ESRP1: variants seen among roughly 807,000 people sequenced by gnomAD.
ESRP1 encodes epithelial splicing regulatory protein 1.
In ESRP1, 33 loss-of-function variants were observed where a neutral mutation model predicts 81.7. The observed-to-expected ratio is 0.40, with a 90% CI of 0.31 to 0.54. The LOEUF (loss-of-function observed/expected upper bound fraction) is 0.54, where lower values mean the gene tolerates loss of function less well. ESRP1 is among the 20% of genes least tolerant of loss of function. ESRP1 has a pLI of 0.41. For missense variants in ESRP1, 672 were observed against 833.1 expected, an observed-to-expected ratio of 0.81 and a Z score of 2.38; for synonymous variants, 320 against 303.3, an observed-to-expected ratio of 1.06 and a Z score of -0.57.
rs117941232 is a variant in ESRP1, at chr8:94,665,566, G to A, written c.931+370G>A. ...GAGTGCGGTGGCACAATCTCAGCTC[G>A]TTGCGACCTCTGCCTCCCAGGCTCA... On this transcript the variant is annotated intron_variant, in intron 9 of 15. Coordinates refer to ENST00000433389, the MANE Select transcript of ESRP1 (RefSeq NM_017697.4). Among the ~76,000 whole-genome samples, 362 of 152,216 alleles carry A rather than the reference G, an allele frequency of 2.4e-3. 1 individual carries two copies. In the Middle Eastern group the frequency reaches 0.048, roughly 20 times the overall value.
intron 4 of ESRP1, among the ~76,000 whole-genome samples, chr8:94,650,095 C>T (rs1479248132): frequency 1.3e-5 from 2 of 152,116 alleles, no homozygotes; most frequent in Non-Finnish European, 2.9e-5. Context: ...CCTGATGAGC[C>T]TACATTGACA....
chr8:94,685,819 G>T (rs1260661755), intron 13 of ESRP1, among the ~76,000 whole-genome samples: 1 of 152,012 alleles, frequency 6.6e-6, no homozygotes, highest in African/African-American at 2.4e-5. Context: ...AAAACAATGG[G>T]CTGGGAGCAG....
intron 10 of ESRP1, 160 bp downstream of exon 10, chr8:94,668,410 G>A (rs966149533): frequency 7.8e-6 from 5 of 644,874 alleles, no homozygotes; most frequent in Admixed American, 3.4e-5. Flanking sequence ...AGAGATAGCC[G>A]CTGTTATCCT....
At position 94,651,943 on chromosome 8, in the gene ESRP1, G is replaced by A. The variant is rs1818157366; in HGVS notation, c.490+5661G>A. ...GAGTGTAGTTCTGGTTCTTATTTTTGGCACTTCTTTCCCTCTTTTGTCTTT... is the reference window on the plus strand; with the variant it reads ...GAGTGTAGTTCTGGTTCTTATTTTTAGCACTTCTTTCCCTCTTTTGTCTTT... On this transcript the variant is annotated intron_variant, in intron 4 of 15. Coordinates refer to ENST00000433389, the MANE Select transcript of ESRP1 (RefSeq NM_017697.4). 1.4e-5 allele frequency among the ~76,000 whole-genome samples: 2 copies of A among 147,506 alleles called. 1 individual carries two copies. Among genetic ancestry groups the A allele is most frequent in the South Asian group, 4.3e-4 (2 of 4,614 alleles).
intron 13 of ESRP1, among the ~76,000 whole-genome samples, chr8:94,687,070 G>GT (rs1809170248): frequency 6.6e-6 from 1 of 152,110 alleles, no homozygotes; most frequent in African/African-American, 2.4e-5. Context: ...AGGTAATCAT[G>GT]TAACAGTCTA....
intron 4 of ESRP1, among the ~76,000 whole-genome samples, chr8:94,647,296 C>T (rs1817900320): frequency 6.6e-6 from 1 of 152,138 alleles, no homozygotes; most frequent in Non-Finnish European, 1.5e-5. Context: ...CTCATTGTGA[C>T]AGAATTCTTA....
At chr8:94,657,356 A>T (rs1366645785) in intron 4 of ESRP1, among the ~76,000 whole-genome samples, 1 of 152,232 alleles carries the variant, frequency 6.6e-6, no homozygotes, top group Non-Finnish European at 1.5e-5. Context: ...ATATACTTAT[A>T]AATTGATAAG....
At chr8:94,642,319 G>C (rs537336448) in intron 2 of ESRP1, among the ~76,000 whole-genome samples, 5 of 152,368 alleles carry the variant, frequency 3.3e-5, no homozygotes, top group Admixed American at 1.3e-4. Flanking sequence ...TTTTCGAGTT[G>C]CTTCCTGAGT....
chr8:94,664,358 G>A (rs972303815), intron 6 of ESRP1, among the ~76,000 whole-genome samples: 6 of 151,872 alleles, frequency 4.0e-5, no homozygotes, highest in Admixed American at 1.3e-4. Context: ...TCCTGACCTC[G>A]GGTGATCCAC....
chr8:94,676,969 A>G (rs1002058744), intron 12 of ESRP1, among the ~76,000 whole-genome samples: 9 of 152,056 alleles, frequency 5.9e-5, no homozygotes, highest in African/African-American at 9.7e-5. Context: ...CCTGACCAAC[A>G]TGGCGAAACC....
At chr8:94,641,513 G>A in intron 1 of ESRP1, 63 bp downstream of exon 1, 1 of 1,605,052 alleles carries the variant, frequency 6.2e-7, no homozygotes, top group South Asian at 1.1e-5. Flanking sequence ...GTAGAGGTTT[G>A]GGCGGGGAGG....
chr8:94,657,573 CATCCTGGTGTGACGCTG>C (rs1208661074), intron 4 of ESRP1, among the ~76,000 whole-genome samples: 1 of 151,748 alleles, frequency 6.6e-6, no homozygotes, highest in Non-Finnish European at 1.5e-5. Flanking sequence ...CAGCACCACT[CATCCTGGTGTGACGCTG>C]ATCCTGGTGT....
At chr8:94,645,559 AGTTT>A (rs1310950551) in intron 3 of ESRP1, among the ~76,000 whole-genome samples, 2 of 152,090 alleles carry the variant, frequency 1.3e-5, no homozygotes, top group Non-Finnish European at 2.9e-5. Flanking sequence ...GGGATTTGTG[AGTTT>A]GTTTTTGTTT....
intron 1 of ESRP1, 75 bp from the exon 2 acceptor site, chr8:94,641,881 G>T: frequency 6.3e-7 from 1 of 1,579,308 alleles, no homozygotes; most frequent in Non-Finnish European, 8.6e-7. Flanking sequence ...GCCCCAGCAG[G>T]GGAGCGAGGG....
In ESRP1 at chr8:94,664,803, G is replaced by A; in HGVS notation, c.751G>A (p.Ala251Thr). Residue 251 changes from alanine (A) to threonine (T), a missense_variant, in exon 7 of 16, where the codon GCC becomes ACC. Coordinates refer to ENST00000433389, the MANE Select transcript of ESRP1 (RefSeq NM_017697.4). ...AAGATTCTTCAAAGGACTCAATATT[G>A]CCAAGTTGGTTTTCTTAAATATCTA... ...IARFFKGLNIAKGGAALCLNA... is the reference protein window; with the variant it reads ...IARFFKGLNITKGGAALCLNA... 6.2e-7 allele frequency: 1 copy of A among 1,613,482 alleles called. No homozygotes were observed. Among genetic ancestry groups the A allele is most frequent in the Non-Finnish European group, 8.5e-7 (1 of 1,179,578 alleles).
chr8:94,665,646 C>A (rs1461735428), intron 9 of ESRP1, among the ~76,000 whole-genome samples: 1 of 152,092 alleles, frequency 6.6e-6, no homozygotes, highest in Non-Finnish European at 1.5e-5. Context: ...TGTGTGCCAC[C>A]ATGCCTGGCT....
chr8:94,684,003 A>G (rs1313568062), intron 13 of ESRP1, among the ~76,000 whole-genome samples: 3 of 152,136 alleles, frequency 2.0e-5, no homozygotes, highest in Non-Finnish European at 2.9e-5. Flanking sequence ...ATGCACCACC[A>G]TGCCCAGCTA....
intron 12 of ESRP1, 136 bp from the exon 13 acceptor site, chr8:94,678,067 T>G (rs967491608): frequency 4.8e-6 from 4 of 837,358 alleles, no homozygotes; most frequent in African/African-American, 1.7e-5. Flanking sequence ...AAAAGGAAAT[T>G]GCTTGGGATA....
At chr8:94,690,653 C>T (rs1809366888) in intron 13 of ESRP1, among the ~76,000 whole-genome samples, 1 of 152,082 alleles carries the variant, frequency 6.6e-6, no homozygotes, top group South Asian at 2.1e-4. Flanking sequence ...TCTAGTTGTG[C>T]AACATTTACT....
Sources: allele counts gnomAD v4.1 joint callset (sites outside exome capture counted in the v4.1 genomes callset), GRCh38; gene constraint gnomAD v4.1.1; transcripts MANE v1.5; gene names NCBI Gene and HGNC (gene_info 2026-07-23, HGNC 2026-07-21).